FAM90A1: variants seen among roughly 807,000 people sequenced by gnomAD.
FAM90A1 encodes protein FAM90A1.
FAM90A1 carries 10 observed loss-of-function variants against 14.8 expected under a neutral mutation model. The observed-to-expected ratio is 0.67, with a 90% CI of 0.42 to 1.14. The LOEUF (loss-of-function observed/expected upper bound fraction) is 1.14, where lower values mean the gene tolerates loss of function less well. FAM90A1 is among the 50% of genes most tolerant of loss of function. The pLI, the probability that FAM90A1 is intolerant of heterozygous loss-of-function variation, is 0.00. For synonymous variants in FAM90A1, 236 were observed against 248.4 expected (o/e 0.95, Z 0.47); for missense variants, 567 against 602.8 (o/e 0.94, Z 0.62).
At chr12:8,225,640 C>T (rs1426062108) in intron 3 of FAM90A1, among the ~76,000 whole-genome samples, 196 bp downstream of exon 3, 1 of 152,030 alleles carries the variant, frequency 6.6e-6, no homozygotes, top group Admixed American at 6.6e-5. Context: ...TTTTCGCATT[C>T]CCACCTTGGT....
Position 8,221,918 on chromosome 12 carries a change from C to T in FAM90A1, c.1299G>A (p.Lys433=). ...GGACACGAACACAGGGACCCTCAGA[C>T]TTCTCTGAGACATGAGGGCTCTGAG... ...FLAQSPHVSE[K]SEGPCVRVPP... Residue 433 remains lysine (K), a synonymous_variant, in exon 7 of 7, where the codon AAG becomes AAA. Transcript: ENST00000538603. The T allele has an allele frequency of 6.3e-7, 1 of 1,596,504 alleles. No homozygotes were observed. The highest frequency in any genetic ancestry group is 1.1e-5 in the South Asian group (1 of 90,994).
In FAM90A1 at chr12:8,221,831, G is replaced by T. The variant is rs1948827672; in HGVS notation, c.1386C>A (p.Asp462Glu). The T allele has an allele frequency of 1.3e-6, 2 of 1,596,140 alleles. No individual in the cohort carries two copies. Among genetic ancestry groups the T allele is most frequent in the East Asian group, 4.5e-5 (2 of 44,874 alleles). ...VPSSSEDSDSDLE is the reference protein window; with the variant it reads ...VPSSSEDSDSELE ...CCTGCCACCTGCAGTCTCACTCCAG[G>T]TCAGAATCGCTGTCCTCTGAGGAGG... The change falls in exon 7 of 7, where the codon GAC (aspartate) becomes GAA (glutamate). Residue 462 changes from aspartate to glutamate, a missense_variant. Coordinates refer to ENST00000538603, the MANE Select transcript of FAM90A1 (RefSeq NM_018088.3).
In FAM90A1 at chr12:8,227,082, T is replaced by C. The variant is rs755680405; in HGVS notation, c.-421+398A>G. 2.6e-4 allele frequency among the ~76,000 whole-genome samples: 39 copies of C among 152,324 alleles called. No homozygotes were observed. The South Asian group carries it at 7.5e-3, about 29-fold the overall frequency. ...CCTCCCAATATGCTGGAATTATTGA[T>C]ATGAGCCATTGTGCCCGGTCATGTC... On this transcript the variant is annotated intron_variant, in intron 1 of 6. Coordinates refer to ENST00000538603, the MANE Select transcript of FAM90A1 (RefSeq NM_018088.3).
Position 8,223,449 on chromosome 12 carries a change from C to A in FAM90A1, c.432G>T (p.Arg144Ser), listed in dbSNP as rs1414362633. Residue 144 changes from arginine to serine, a missense_variant and splice_region_variant, in exon 6 of 7, where the codon AGG becomes AGT. Physicochemically the swap from Arg to Ser is moderately radical, Grantham distance 110. Coordinates refer to ENST00000538603, the MANE Select transcript of FAM90A1 (RefSeq NM_018088.3). ...KGSTESSDYL[R>S]VASGPMPVHT... The stretch of plus-strand genomic sequence containing the variant: ...ACCAGGGGCCCAGGGTGACCCTCAC[C>A]CTCAGATAATCAGAAGATTCCGTGG... 2 of 1,599,770 alleles carry A rather than the reference C, an allele frequency of 1.3e-6. No individual in the cohort carries two copies. The highest frequency in any genetic ancestry group is 1.7e-6 in the Non-Finnish European group (2 of 1,168,686).
rs751715960 is a variant in FAM90A1 at position 8,222,663 on chromosome 12, G to C, written c.554C>G (p.Pro185Arg). The C allele has an allele frequency of 6.2e-7, 1 of 1,611,056 alleles. No homozygotes were observed. Among genetic ancestry groups the C allele is most frequent in the Non-Finnish European group, 8.5e-7 (1 of 1,179,868 alleles). ...GGAGCTCAGACTGGCTTTTCTGAGGGGAGACAGTGAAGCTAAGACGGAGCC... is the reference window on the plus strand; with the variant it reads ...GGAGCTCAGACTGGCTTTTCTGAGGCGAGACAGTGAAGCTAAGACGGAGCC... Reference protein sequence around the residue: ...DRGSVLASLSPLRKASLSSSS... With the variant: ...DRGSVLASLSRLRKASLSSSS... The change falls in exon 7 of 7, where the codon CCC becomes CGC. Residue 185 changes from proline to arginine, a missense_variant. By Grantham distance (103) the Pro-to-Arg change is moderately radical (BLOSUM62 -2). Transcript: ENST00000538603.
In FAM90A1 at chr12:8,226,846, C is replaced by T. The variant is rs748650078; in HGVS notation, c.-420-368G>A. ...TTTTTTTGAGACACAGTCTCTGTCG[C>T]CCAGGCTGGGGTGCAGTGGTGTGAT... On this transcript the variant is annotated intron_variant, in intron 1 of 6. Coordinates refer to ENST00000538603, the MANE Select transcript of FAM90A1 (RefSeq NM_018088.3). 3.8e-4 allele frequency among the ~76,000 whole-genome samples: 53 copies of T among 138,084 alleles called. No individual in the cohort carries two copies. The East Asian group carries it at 5.1e-3, about 13-fold the overall frequency. 90.6% of individuals were successfully genotyped at this position (138,084 alleles called of 152,430 possible).
Position 8,222,182 on chromosome 12 carries a change from T to C in FAM90A1, c.1035A>G (p.Ser345=), listed in dbSNP as rs753811758. The C allele has an allele frequency of 5.1e-6, 8 of 1,562,220 alleles. No individual in the cohort carries two copies. In the Admixed American group the frequency reaches 5.3e-5, roughly 10 times the overall value. The part of the protein sequence containing the change: ...PAATELGPRT[S]PQTGTRTPAQ... The stretch of plus-strand genomic sequence containing the variant: ...CGGGTGTCCTCGTGCCTGTCTGGGG[T>C]GACGTACGTGGTCCAAGTTCGGTTG... The change falls in exon 7 of 7, where the codon TCA becomes TCG. Residue 345 remains serine (S), a synonymous_variant. Coordinates refer to ENST00000538603, the MANE Select transcript of FAM90A1 (RefSeq NM_018088.3).
In FAM90A1 at chr12:8,224,343, G is replaced by A. The variant is rs769478634; in HGVS notation, c.124-128C>T. Reference sequence around the variant, plus strand: ...TTCCAAAGAGGGGACACCGGCATGGGGGCCGTTAAGTGCTGGGAGAGTTCG... The same window carrying A: ...TTCCAAAGAGGGGACACCGGCATGGAGGCCGTTAAGTGCTGGGAGAGTTCG... On this transcript the variant is annotated intron_variant, in intron 4 of 6. Transcript: ENST00000538603. 144 of 844,672 alleles carry A rather than the reference G, an allele frequency of 1.7e-4. 1 individual carries two copies. The African/African-American group carries it at 2.1e-3, about 13-fold the overall frequency. The allele number at this position is 844,672 out of a possible 1,614,324, so 52.3% of individuals were successfully genotyped here.
intron 5 of FAM90A1, 133 bp downstream of exon 5, chr12:8,223,883 G>A: frequency 6.1e-6 from 6 of 980,050 alleles, no homozygotes; most frequent in Non-Finnish European, 9.3e-6. Context: ...AAGACACAGA[G>A]CTCCGGTCTG....
intron 1 of FAM90A1, among the ~76,000 whole-genome samples, chr12:8,226,846 C>A (rs748650078): frequency 7.2e-6 from 1 of 138,008 alleles, no homozygotes; most frequent in African/African-American, 2.9e-5. Context: ...GTCTCTGTCG[C>A]CCAGGCTGGG....
At chr12:8,225,750 A>G (rs1202341634) in intron 3 of FAM90A1, 86 bp downstream of exon 3, 2 of 152,164 alleles carry the variant, frequency 1.3e-5, no homozygotes, top group East Asian at 1.9e-4. Context: ...CCCCAGTGTG[A>G]TCGCTTTCTT....
chr12:8,225,320 C>G (rs368113737), intron 3 of FAM90A1, among the ~76,000 whole-genome samples: 6 of 152,366 alleles, frequency 3.9e-5, no homozygotes, highest in Admixed American at 1.3e-4. Context: ...TGCCTCCTGT[C>G]ACAACTTGAA....
chr12:8,221,401 C>G lies in FAM90A1; in HGVS notation c.*421G>C. 1 of 315,386 alleles carries G rather than the reference C, an allele frequency of 3.2e-6. No individual in the cohort carries two copies. The highest frequency in any genetic ancestry group is 6.0e-6 in the Non-Finnish European group (1 of 166,196). 19.5% of individuals were successfully genotyped at this position (315,386 alleles called of 1,614,324 possible). A position where few individuals can be genotyped will look rare whatever the true frequency, so the allele number is the denominator to read the frequency against. On this transcript the variant is annotated 3_prime_UTR_variant, in exon 7 of 7. Transcript: ENST00000538603. ...GCGCTTCCCAGCGTCCGAAACACTG[C>G]TCTCAGGGCGGGGCACAGCGGAAGG...
At chr12:8,222,863 G>A in intron 6 of FAM90A1, 79 bp from the exon 7 acceptor site, 1 of 1,466,068 alleles carries the variant, frequency 6.8e-7, no homozygotes, top group Admixed American at 2.0e-5. Context: ...CCAAAGACAA[G>A]GTGCACACGC....
Position 8,222,186 on chromosome 12 carries a change from G to A in FAM90A1, c.1031C>T (p.Thr344Met), listed in dbSNP as rs1402192805. 3 of 1,365,054 alleles carry A rather than the reference G, an allele frequency of 2.2e-6. No homozygotes were observed. Among genetic ancestry groups the A allele is most frequent in the South Asian group, 2.4e-5 (2 of 85,026 alleles). The allele number at this position is 1,365,054 out of a possible 1,614,324, so 84.6% of individuals were successfully genotyped here. Reference protein sequence around the residue: ...PPAATELGPRTSPQTGTRTPA... With the variant: ...PPAATELGPRMSPQTGTRTPA... ...TGTCCTCGTGCCTGTCTGGGGTGAC[G>A]TACGTGGTCCAAGTTCGGTTGCGGC... Residue 344 changes from threonine (T) to methionine (M), a missense_variant, in exon 7 of 7, where the codon ACG becomes ATG. Transcript: ENST00000538603.
At chr12:8,225,298 T>A (rs1454692363) in intron 3 of FAM90A1, among the ~76,000 whole-genome samples, 5 of 152,254 alleles carry the variant, frequency 3.3e-5, no homozygotes, top group Non-Finnish European at 5.9e-5. Context: ...GTTTGAAATC[T>A]GGGATAAGGG....
intron 6 of FAM90A1, 55 bp from the exon 7 acceptor site, chr12:8,222,839 A>C: frequency 1.9e-6 from 3 of 1,538,780 alleles, no homozygotes; most frequent in Non-Finnish European, 2.6e-6. Flanking sequence ...AGCCAACATG[A>C]AAATCAACCA....
In FAM90A1 at chr12:8,222,721, A is replaced by C. The variant is rs201621213; in HGVS notation, c.496T>G (p.Ser166Ala). The change falls in exon 7 of 7, where the codon TCT (serine) becomes GCT (alanine). Residue 166 changes from serine to alanine, a missense_variant. Coordinates refer to ENST00000538603, the MANE Select transcript of FAM90A1 (RefSeq NM_018088.3). ...SKRPRVDPVL[S>A]DRSATEMSDR... is the part of the protein sequence containing the mutation. ...GACATTTCGGTAGCTGAGCGATCAG[A>C]GAGGACAGGGTCCACACGCGGCCTC... is the stretch of plus-strand genomic sequence containing the variant. 11 of 1,606,074 alleles carry C rather than the reference A, an allele frequency of 6.8e-6. No individual in the cohort carries two copies. The highest frequency in any genetic ancestry group is 8.5e-6 in the Non-Finnish European group (10 of 1,179,832).
intron 5 of FAM90A1, 36 bp from the exon 6 acceptor site, chr12:8,223,593 G>A: frequency 7.9e-7 from 1 of 1,266,196 alleles, no homozygotes; most frequent in South Asian, 1.2e-5. Context: ...GTCCTCCCTG[G>A]TTTTCCCCAG....
Sources: gnomAD v4.1 joint callset for allele counts (sites outside exome capture counted in the v4.1 genomes callset) on GRCh38, gnomAD v4.1.1 for gene constraint, MANE v1.5 for transcripts, NCBI Gene and HGNC (gene_info 2026-07-23, HGNC 2026-07-21) for gene names.